Variants in CDC42BPB observed in about 807,000 individuals in gnomAD.
CDC42BPB encodes CDC42 binding protein kinase beta.
In CDC42BPB, 37 loss-of-function variants were observed where a neutral mutation model predicts 214.9. The ratio of observed to expected loss-of-function variants is 0.17; its 90% CI spans 0.13 to 0.23. CDC42BPB has a LOEUF of 0.23. CDC42BPB is among the 10% of genes least tolerant of loss of function. The pLI is 1.00. For missense variants in CDC42BPB, 1,694 were observed against 2,227.0 expected (o/e 0.76, Z 4.82); for synonymous variants, 931 against 884.0 (o/e 1.05, Z -0.94).
chr14:103,027,531 C>T (rs10134022), intron 1 of CDC42BPB, among the ~76,000 whole-genome samples: 104,108 of 152,138 alleles, frequency 0.68, 35,914 homozygotes, highest in South Asian at 0.81. Context: ...TGGAATACTA[C>T]TATTCAGCCA....
rs146870461 is a variant in CDC42BPB at position 102,940,307 on chromosome 14, C to G, written c.4426G>C (p.Val1476Leu). 1 of 1,575,856 alleles carries G rather than the reference C, an allele frequency of 6.3e-7. No homozygotes were observed. The highest frequency in any genetic ancestry group is 8.6e-7 in the Non-Finnish European group (1 of 1,160,798). The stretch of plus-strand genomic sequence containing the variant: ...ACGCCATACTCGCTGTACACCGTGA[C>G]GTGGGTGGGGCTGCAACCTAGCGCA... ...PVACSCSPTH[V>L]TVYSEYGVDV... Residue 1476 changes from valine to leucine, a missense_variant, in exon 31 of 37, where the codon GTC becomes CTC. This residue lies in a region of CDC42BPB where 567 missense variants were observed against 790.3 expected (regional missense o/e 0.72). Coordinates refer to ENST00000361246, the MANE Select transcript of CDC42BPB (RefSeq NM_006035.4).
intron 4 of CDC42BPB, among the ~76,000 whole-genome samples, chr14:103,003,298 C>T (rs1452909296): frequency 1.3e-5 from 2 of 152,220 alleles, no homozygotes; most frequent in Non-Finnish European, 2.9e-5. Context: ...CACTCAGCGG[C>T]CAAGACCAAG....
At chr14:103,006,970 A>G (rs1200829890) in intron 3 of CDC42BPB, among the ~76,000 whole-genome samples, 2 of 152,190 alleles carry the variant, frequency 1.3e-5, no homozygotes, top group Non-Finnish European at 2.9e-5. Flanking sequence ...TTGCTCCAAT[A>G]ACATTCCTGT....
At chr14:102,984,729 G>T (rs1894156948) in intron 6 of CDC42BPB, among the ~76,000 whole-genome samples, 1 of 152,040 alleles carries the variant, frequency 6.6e-6, no homozygotes, top group Non-Finnish European at 1.5e-5. Context: ...GGCAGGAACT[G>T]GAGACAACAA....
At chr14:102,982,292 G>A (rs1046605597) in intron 7 of CDC42BPB, among the ~76,000 whole-genome samples, 1 of 152,210 alleles carries the variant, frequency 6.6e-6, no homozygotes, top group Non-Finnish European at 1.5e-5. Flanking sequence ...GGAGTTAAAT[G>A]GAAAACCAGT....
Position 102,974,045 on chromosome 14 carries a change from C to A in CDC42BPB, c.1612G>T (p.Val538Phe), listed in dbSNP as rs1377486618. 1.9e-6 allele frequency: 3 copies of A among 1,612,098 alleles called. No individual in the cohort carries two copies. The highest frequency in any genetic ancestry group is 3.3e-4 in the Middle Eastern group (2 of 6,052). ...TGCAGCTCCTCCTTCTCCTGCCGGA[C>A]CACGCGGTGCTGCTTCTCCAGCCCC... Reference protein sequence around the residue: ...LRGLEKQHRVVRQEKEELHKQ... With the variant: ...LRGLEKQHRVFRQEKEELHKQ... Residue 538 changes from valine (V) to phenylalanine (F), a missense_variant, in exon 12 of 37, where the codon GTC (valine) becomes TTC (phenylalanine). This residue lies in a region of CDC42BPB where 462 missense variants were observed against 513.5 expected (regional missense o/e 0.90). Coordinates refer to ENST00000361246, the MANE Select transcript of CDC42BPB (RefSeq NM_006035.4).
chr14:102,954,556 AG>A, intron 22 of CDC42BPB, 45 bp downstream of exon 22: 1 of 1,546,828 alleles, frequency 6.5e-7, no homozygotes. Context: ...CCTGGACACG[AG>A]GGCAGACCCC....
Position 102,968,588 on chromosome 14 carries a change from A to G in CDC42BPB, c.2124T>C (p.His708=). ...TCTTCACATTTTTCACTTCTAGCAC[A>G]TGGGAGGCCTCACGTCTGACCAATT... ...EEELVRREAS[H]VLEVKNVKKE... Residue 708 remains histidine, a synonymous_variant, in exon 15 of 37, where the codon CAT becomes CAC. Coordinates refer to ENST00000361246, the MANE Select transcript of CDC42BPB (RefSeq NM_006035.4). 2 of 1,614,140 alleles carry G rather than the reference A, an allele frequency of 1.2e-6. No individual in the cohort carries two copies. Among genetic ancestry groups the G allele is most frequent in the South Asian group, 2.2e-5 (2 of 91,082 alleles).
Position 103,053,589 on chromosome 14 carries a change from G to A in CDC42BPB, c.175+3410C>T, listed in dbSNP as rs556048476. Among the ~76,000 whole-genome samples the A allele has an allele frequency of 8.2e-4, 123 of 150,776 alleles. 1 individual carries two copies. Among genetic ancestry groups the A allele is most frequent in the South Asian group, 2.1e-3 (10 of 4,754 alleles). On this transcript the variant is annotated intron_variant, in intron 1 of 36. Transcript: ENST00000361246. ...ATCCTGGCTAACACGGTGAAACCCCGTCTCTACTAAAAATACAAAAAAATT... is the reference window on the plus strand; with the variant it reads ...ATCCTGGCTAACACGGTGAAACCCCATCTCTACTAAAAATACAAAAAAATT...
chr14:103,032,631 T>TA (rs1887452765), intron 1 of CDC42BPB, among the ~76,000 whole-genome samples: 1 of 55,310 alleles, frequency 1.8e-5, no homozygotes, highest in Non-Finnish European at 3.6e-5. Context: ...ACAAATCCAC[T>TA]TTTTTTTTTT....
chr14:102,980,717 G>A (rs577695883), intron 8 of CDC42BPB, 56 bp downstream of exon 8: 32 of 1,542,696 alleles, frequency 2.1e-5, no homozygotes, highest in East Asian at 1.6e-4. Flanking sequence ...CCTCAACACA[G>A]CACTGCATGT....
chr14:103,006,429 C>CT (rs1885823370), intron 3 of CDC42BPB, among the ~76,000 whole-genome samples: 1 of 152,250 alleles, frequency 6.6e-6, no homozygotes, highest in Non-Finnish European at 1.5e-5. Flanking sequence ...CATTCTTAAA[C>CT]TGGGGACTGC....
At chr14:102,950,275 A>G (rs35644440) in intron 25 of CDC42BPB, among the ~76,000 whole-genome samples, 191 bp downstream of exon 25, 5 of 152,228 alleles carry the variant, frequency 3.3e-5, no homozygotes, top group African/African-American at 1.2e-4. Flanking sequence ...AGGCCTCAGG[A>G]TGCCCAGGCC....
chr14:102,959,044 C>G (rs1892837515), intron 21 of CDC42BPB, among the ~76,000 whole-genome samples: 1 of 151,684 alleles, frequency 6.6e-6, no homozygotes, highest in Admixed American at 6.6e-5. Context: ...CGCCTGTAAT[C>G]CCAGCACTCT....
chr14:102,989,803 G>A (rs1426259955), intron 5 of CDC42BPB, among the ~76,000 whole-genome samples: 1 of 151,270 alleles, frequency 6.6e-6, no homozygotes, highest in Non-Finnish European at 1.5e-5. Context: ...AGGTTGCAGT[G>A]AGCCGAGATC....
At chr14:102,938,020 C>A in intron 36 of CDC42BPB, 84 bp downstream of exon 36, 1 of 1,443,314 alleles carries the variant, frequency 6.9e-7, no homozygotes, top group Non-Finnish European at 9.7e-7. Flanking sequence ...GCTGTGACAC[C>A]ACCCAGGGCC....
At chr14:103,025,634 A>G (rs535772869) in intron 1 of CDC42BPB, among the ~76,000 whole-genome samples, 26 of 152,098 alleles carry the variant, frequency 1.7e-4, no homozygotes, top group African/African-American at 5.8e-4. Flanking sequence ...CCTGGCCAAC[A>G]TGGTGTAACC....
At chr14:102,996,156 G>A (rs992101546) in intron 5 of CDC42BPB, among the ~76,000 whole-genome samples, 2 of 152,052 alleles carry the variant, frequency 1.3e-5, no homozygotes, top group African/African-American at 2.4e-5. Flanking sequence ...TGGCTAACAC[G>A]GTGAAACCCC....
At chr14:102,940,765 C>T (rs528099734) in intron 30 of CDC42BPB, 84 of 239,424 alleles carry the variant, frequency 3.5e-4, no homozygotes, top group Non-Finnish European at 6.7e-4. Context: ...TTAAAAACCA[C>T]ACAGAAACCA....
Sources: gnomAD v4.1 joint callset for allele counts (sites outside exome capture counted in the v4.1 genomes callset) on GRCh38, gnomAD v4.1.1 for gene constraint, gnomAD v4.1.1 regional missense constraint, MANE v1.5 for transcripts, NCBI Gene and HGNC (gene_info 2026-07-23, HGNC 2026-07-21) for gene names.